Variants in BMPR2 observed in about 807,000 individuals in gnomAD.
BMPR2 encodes bone morphogenetic protein receptor type-2.
A neutral mutation model predicts 100.8 loss-of-function variants in BMPR2; 29 were observed. The observed-to-expected ratio is 0.29, with a 90% CI of 0.21 to 0.39. The LOEUF is 0.39. BMPR2 is among the 10% of genes least tolerant of loss of function. The pLI, the probability that BMPR2 is intolerant of heterozygous loss-of-function variation, is 1.00. For missense variants in BMPR2, 1,011 were observed against 1,274.5 expected, an observed-to-expected ratio of 0.79 and a Z score of 3.15; for synonymous variants, 382 against 442.3, an observed-to-expected ratio of 0.86 and a Z score of 1.71.
intron 1 of BMPR2, among the ~76,000 whole-genome samples, chr2:202,384,703 T>C (rs1021686758): frequency 6.6e-6 from 1 of 151,782 alleles, no homozygotes; most frequent in African/African-American, 2.4e-5. Context: ...AAGTGATTCT[T>C]GTGCCTCAGC....
At chr2:202,537,176 A>G (rs940139715) in intron 9 of BMPR2, among the ~76,000 whole-genome samples, 1 of 152,174 alleles carries the variant, frequency 6.6e-6, no homozygotes, top group African/African-American at 2.4e-5. Flanking sequence ...GATTGCAGGC[A>G]TGAGCCACCA....
At chr2:202,550,122 C>A (rs1688450034) in intron 10 of BMPR2, among the ~76,000 whole-genome samples, 1 of 152,110 alleles carries the variant, frequency 6.6e-6, no homozygotes, top group South Asian at 2.1e-4. Context: ...GTAATCCCAG[C>A]ACTTTGGAAG....
At chr2:202,485,227 G>T (rs1221112107) in intron 3 of BMPR2, among the ~76,000 whole-genome samples, 2 of 152,040 alleles carry the variant, frequency 1.3e-5, no homozygotes, top group African/African-American at 4.8e-5. Flanking sequence ...GTGATCCTAA[G>T]TATGACTGGT....
chr2:202,408,478 G>A (rs138424923), intron 1 of BMPR2, among the ~76,000 whole-genome samples: 6 of 152,290 alleles, frequency 3.9e-5, no homozygotes, highest in Non-Finnish European at 5.9e-5. Context: ...GCACAATGGT[G>A]TATAAAATCT....
chr2:202,447,139 C>G (rs1691865296), intron 1 of BMPR2, among the ~76,000 whole-genome samples: 1 of 149,048 alleles, frequency 6.7e-6, no homozygotes, highest in South Asian at 2.1e-4. Flanking sequence ...AACCCTGTCT[C>G]TATTAAAAAT....
intron 1 of BMPR2, among the ~76,000 whole-genome samples, chr2:202,401,731 T>G (rs1428199787): frequency 1.3e-5 from 2 of 152,194 alleles, no homozygotes; most frequent in African/African-American, 4.8e-5. Flanking sequence ...GACAAAAATT[T>G]GTTGAGAAAG....
intron 3 of BMPR2, among the ~76,000 whole-genome samples, chr2:202,511,295 G>T (rs1687619280): frequency 6.6e-6 from 1 of 152,114 alleles, no homozygotes; most frequent in African/African-American, 2.4e-5. Flanking sequence ...ACCACATTTT[G>T]TTTATCCATT....
In BMPR2 at chr2:202,435,489, A is replaced by G. The variant is rs370120414; in HGVS notation, c.77-29320A>G. Reference sequence around the variant, plus strand: ...GAGTAAAAATGTTAAAAACAGTTAAACCACAGGTTAAAAAGTTTATGAAGT... The same window carrying G: ...GAGTAAAAATGTTAAAAACAGTTAAGCCACAGGTTAAAAAGTTTATGAAGT... On this transcript the variant is annotated intron_variant, in intron 1 of 12. Coordinates refer to ENST00000374580, the MANE Select transcript of BMPR2 (RefSeq NM_001204.7). Among the ~76,000 whole-genome samples the G allele has an allele frequency of 2.3e-4, 34 of 148,490 alleles. 1 individual carries two copies. The highest frequency in any genetic ancestry group is 8.3e-4 in the African/African-American group (32 of 38,730).
chr2:202,445,771 ATTTTTT>A (rs759063361), intron 1 of BMPR2, among the ~76,000 whole-genome samples: 6 of 120,048 alleles, frequency 5.0e-5, no homozygotes, highest in East Asian at 2.4e-4. Context: ...TACAAACATA[ATTTTTT>A]TTTTTTTTTT....
chr2:202,530,897 G>A lies in BMPR2; in HGVS notation c.1071G>A (p.Arg357=). The change falls in exon 8 of 13, where the codon AGG becomes AGA. Residue 357 remains arginine, a synonymous_variant. Transcript: ENST00000374580. Reference sequence around the variant, plus strand: ...TTAGTGACTTTGGACTGTCCATGAGGCTGACTGGAAATAGACTGGTGCGCC... The same window carrying A: ...TTAGTGACTTTGGACTGTCCATGAGACTGACTGGAAATAGACTGGTGCGCC... ...CVISDFGLSM[R]LTGNRLVRPG... is the part of the protein sequence containing the mutation. The A allele has an allele frequency of 6.2e-7, 1 of 1,614,158 alleles. No homozygotes were observed. The highest frequency in any genetic ancestry group is 8.5e-7 in the Non-Finnish European group (1 of 1,180,032).
chr2:202,494,939 CAG>C (rs1692990893), intron 3 of BMPR2, among the ~76,000 whole-genome samples: 2 of 152,298 alleles, frequency 1.3e-5, no homozygotes, highest in East Asian at 1.9e-4. Context: ...CTTGTCCTGA[CAG>C]GGTGCGTGAT....
intron 2 of BMPR2, 116 bp downstream of exon 2, chr2:202,465,095 T>C: frequency 7.4e-7 from 1 of 1,359,214 alleles, no homozygotes; most frequent in South Asian, 1.2e-5. Flanking sequence ...TTTAAAAGTG[T>C]ATATATAAAG....
At chr2:202,512,600 G>C (rs145210085) in intron 3 of BMPR2, among the ~76,000 whole-genome samples, 1 of 152,060 alleles carries the variant, frequency 6.6e-6, no homozygotes, top group Non-Finnish European at 1.5e-5. Context: ...CTTCATAGTT[G>C]TACTTGCTCT....
At chr2:202,506,390 T>G (rs972420973) in intron 3 of BMPR2, among the ~76,000 whole-genome samples, 48 of 151,990 alleles carry the variant, frequency 3.2e-4, no homozygotes, top group African/African-American at 1.2e-3. Context: ...ACTCCTTACC[T>G]CAAATCCTCA....
At chr2:202,466,389 C>A (rs771989366) in intron 2 of BMPR2, among the ~76,000 whole-genome samples, 13 of 151,902 alleles carry the variant, frequency 8.6e-5, no homozygotes, top group Non-Finnish European at 1.5e-4. Flanking sequence ...CGGGTTCAAG[C>A]GATTCTCCTG....
intron 1 of BMPR2, among the ~76,000 whole-genome samples, chr2:202,398,394 T>TA (rs917112795): frequency 1.2e-4 from 18 of 152,200 alleles, no homozygotes; most frequent in East Asian, 7.7e-4. Flanking sequence ...GCTTTTTTTT[T>TA]AAAAAAAGCT....
At chr2:202,380,965 CTTTTTTTTTTTTTTTTTT>C (rs1159400445) in intron 1 of BMPR2, among the ~76,000 whole-genome samples, 1 of 70,780 alleles carries the variant, frequency 1.4e-5, no homozygotes, top group African/African-American at 5.8e-5. Flanking sequence ...TTCTTTCTTT[CTTTTTTTTTTTTTTTTTT>C]TTTTTTTTTG....
chr2:202,432,655 A>G (rs934069399), intron 1 of BMPR2, among the ~76,000 whole-genome samples: 1 of 150,504 alleles, frequency 6.6e-6, no homozygotes, highest in Non-Finnish European at 1.5e-5. Flanking sequence ...GTTTGTGTTG[A>G]CTGTTTATTT....
At chr2:202,441,645 GA>G (rs1158862753) in intron 1 of BMPR2, among the ~76,000 whole-genome samples, 2 of 145,872 alleles carry the variant, frequency 1.4e-5, no homozygotes, top group Non-Finnish European at 3.0e-5. Context: ...GTGAACCCGG[GA>G]GGTGGAGCTT....
Sources: allele counts gnomAD v4.1 joint callset (sites outside exome capture counted in the v4.1 genomes callset), GRCh38; gene constraint gnomAD v4.1.1; transcripts MANE v1.5; gene names NCBI Gene and HGNC (gene_info 2026-07-23, HGNC 2026-07-21).